Variants in FGFR2 observed in about 807,000 individuals in gnomAD.
The protein encoded by FGFR2 is fibroblast growth factor receptor 2, also known as BEK fibroblast growth factor receptor.
Under a neutral mutation model 95.9 loss-of-function variants are expected in FGFR2, and 19 were observed. The ratio of observed to expected loss-of-function variants is 0.20; its 90% confidence interval spans 0.14 to 0.29. The LOEUF is 0.29. Among genes scored for constraint, FGFR2 ranks in the 10% least tolerant of loss-of-function variants. FGFR2 has a pLI of 1.00. For synonymous variants in FGFR2, 392 were observed against 393.3 expected, an observed-to-expected ratio of 1.00 and a Z score of 0.04; for missense variants, 707 against 1,056.9, an observed-to-expected ratio of 0.67 and a Z score of 4.59.
chr10:121,587,760 G>A (rs2135424577), intron 2 of FGFR2, among the ~76,000 whole-genome samples: 1 of 152,312 alleles, frequency 6.6e-6, no homozygotes, highest in East Asian at 1.9e-4. Context: ...TGGTGAGATT[G>A]CAGAGAAAAG....
chr10:121,516,823 T>C (rs1386474008), intron 8 of FGFR2, among the ~76,000 whole-genome samples: 1 of 152,164 alleles, frequency 6.6e-6, no homozygotes, highest in African/African-American at 2.4e-5. Flanking sequence ...ATCCCCAAGG[T>C]AGGCAACACA....
chr10:121,539,747 T>C (rs139626107), intron 5 of FGFR2, among the ~76,000 whole-genome samples: 3 of 152,342 alleles, frequency 2.0e-5, no homozygotes, highest in East Asian at 1.9e-4. Context: ...TTCTGAGCCA[T>C]GCCCTGGGCA....
intron 6 of FGFR2, among the ~76,000 whole-genome samples, chr10:121,528,578 G>A (rs969322808): frequency 6.6e-6 from 1 of 152,124 alleles, no homozygotes; most frequent in Admixed American, 6.5e-5. Flanking sequence ...AGGGCGGTTC[G>A]AGCAGAAGTA....
chr10:121,496,831 TA>T, intron 12 of FGFR2, 109 bp from the exon 13 acceptor site: 36 of 928,472 alleles, frequency 3.9e-5, no homozygotes, highest in Non-Finnish European at 4.7e-5. Flanking sequence ...TTTTTTTTTT[TA>T]AAGTTTAACA....
chr10:121,559,659 C>T (rs1856672861), intron 4 of FGFR2, among the ~76,000 whole-genome samples: 1 of 152,222 alleles, frequency 6.6e-6, no homozygotes, highest in Admixed American at 6.5e-5. Context: ...TGCAGAGCAC[C>T]CATTTCAGGG....
intron 6 of FGFR2, among the ~76,000 whole-genome samples, chr10:121,529,301 G>A (rs556292270): frequency 6.6e-6 from 1 of 152,100 alleles, no homozygotes; most frequent in East Asian, 1.9e-4. Context: ...GTAGAGATGG[G>A]TTTTTACCAT....
chr10:121,511,557 A>G (rs1482906942), intron 9 of FGFR2, among the ~76,000 whole-genome samples: 1 of 152,154 alleles, frequency 6.6e-6, no homozygotes, highest in Non-Finnish European at 1.5e-5. Context: ...CCTGTACCAG[A>G]ACCAACACGC....
chr10:121,523,510 C>T (rs986836002), intron 6 of FGFR2, among the ~76,000 whole-genome samples: 4 of 152,182 alleles, frequency 2.6e-5, no homozygotes, highest in African/African-American at 9.7e-5. Context: ...CGCTCCTCTC[C>T]TCCCCAGGCC....
intron 5 of FGFR2, among the ~76,000 whole-genome samples, chr10:121,540,856 G>T (rs1201918523): frequency 6.6e-6 from 1 of 152,114 alleles, no homozygotes; most frequent in African/African-American, 2.4e-5. Flanking sequence ...TGTCTTTCTT[G>T]TGCCTGGATC....
intron 4 of FGFR2, among the ~76,000 whole-genome samples, chr10:121,562,913 C>G (rs1857184767): frequency 6.6e-6 from 1 of 152,186 alleles, no homozygotes; most frequent in Non-Finnish European, 1.5e-5. Context: ...GTTCCTTCCT[C>G]TTTATTTTGC....
chr10:121,548,265 T>C (rs1253480517), intron 5 of FGFR2, among the ~76,000 whole-genome samples: 1 of 135,346 alleles, frequency 7.4e-6, no homozygotes, highest in African/African-American at 3.0e-5. Context: ...TTTTTTTTTT[T>C]TTTTTTTTTT....
At position 121,591,009 on chromosome 10, in the gene FGFR2, A is replaced by ACT. The variant is rs58728046; in HGVS notation, c.109+2699_109+2700insAG. ...CTCGCGCACACACACACACACACGC[A>ACT]CACTCTCTCTCTCTCTCTCTCTCTT... is the stretch of plus-strand genomic sequence containing the variant. On this transcript the variant is annotated intron_variant, in intron 2 of 17. Transcript: ENST00000358487. Among the ~76,000 whole-genome samples the ACT allele has an allele frequency of 4.7e-3, 664 of 142,696 alleles. 3 individuals carry two copies. Among genetic ancestry groups the ACT allele is most frequent in the African/African-American group, 0.016 (611 of 37,918 alleles). The allele number at this position is 142,696 out of a possible 152,430, so 93.6% of individuals were successfully genotyped here. A position where few individuals can be genotyped will look rare whatever the true frequency, so the allele number is the denominator to read the frequency against.
chr10:121,552,447 T>C (rs1855541609), intron 4 of FGFR2, among the ~76,000 whole-genome samples: 1 of 152,208 alleles, frequency 6.6e-6, no homozygotes, highest in Non-Finnish European at 1.5e-5. Context: ...ATCATAATCT[T>C]GGCTTCCAAG....
intron 5 of FGFR2, among the ~76,000 whole-genome samples, chr10:121,540,418 C>T (rs1853534939): frequency 1.3e-5 from 2 of 152,154 alleles, no homozygotes; most frequent in South Asian, 2.1e-4. Flanking sequence ...GAGATAAGCA[C>T]CTTCCATGCA....
At chr10:121,594,160 G>T in intron 1 of FGFR2, 193 bp from the exon 2 acceptor site, 1 of 472,074 alleles carries the variant, frequency 2.1e-6, no homozygotes, top group South Asian at 2.2e-5. Context: ...AAATGTGTGA[G>T]GCTAATCTTT....
chr10:121,585,264 G>A (rs1861657676), intron 2 of FGFR2, among the ~76,000 whole-genome samples: 1 of 152,178 alleles, frequency 6.6e-6, no homozygotes, highest in African/African-American at 2.4e-5. Flanking sequence ...AAAAAGGGTT[G>A]GACAAATCCA....
At chr10:121,488,293 C>G (rs1285825053) in intron 13 of FGFR2, among the ~76,000 whole-genome samples, 180 bp from the exon 14 acceptor site, 1 of 152,062 alleles carries the variant, frequency 6.6e-6, no homozygotes, top group Non-Finnish European at 1.5e-5. Context: ...GTAATACCAG[C>G]ACTTTGGGAG....
chr10:121,514,687 A>T (rs1039444930), intron 9 of FGFR2, among the ~76,000 whole-genome samples: 2 of 152,224 alleles, frequency 1.3e-5, no homozygotes, highest in Non-Finnish European at 1.5e-5. Context: ...AATAAGTCAG[A>T]GAACTTAGAG....
intron 9 of FGFR2, among the ~76,000 whole-genome samples, chr10:121,508,752 C>T (rs1848638022): frequency 6.6e-6 from 1 of 152,192 alleles, no homozygotes; most frequent in East Asian, 1.9e-4. Flanking sequence ...TTTATAAGAA[C>T]ACGAAACGGG....
Sources: allele counts gnomAD v4.1 joint callset (sites outside exome capture counted in the v4.1 genomes callset), GRCh38; gene constraint gnomAD v4.1.1; transcripts MANE v1.5; gene names NCBI Gene and HGNC (gene_info 2026-07-23, HGNC 2026-07-21).